SPTBN1: variants seen among roughly 807,000 people sequenced by gnomAD.
The protein encoded by SPTBN1 is spectrin beta, non-erythrocytic 1.
SPTBN1 carries 32 observed loss-of-function variants against 266.4 expected under a neutral mutation model. That is an observed-to-expected ratio of 0.12 (90% CI 0.09 to 0.16). SPTBN1 has a LOEUF of 0.16. Ranked by LOEUF, SPTBN1 falls within the 10% of genes least tolerant of loss-of-function variation. SPTBN1 has a pLI of 1.00. For synonymous variants in SPTBN1, 1,336 were observed against 1,162.2 expected, an observed-to-expected ratio of 1.15 and a Z score of -3.04; for missense variants, 2,296 against 3,067.1, an observed-to-expected ratio of 0.75 and a Z score of 5.94.
At chr2:54,504,091 T>A (rs1669425249) in intron 1 of SPTBN1, among the ~76,000 whole-genome samples, 1 of 152,194 alleles carries the variant, frequency 6.6e-6, no homozygotes, top group African/African-American at 2.4e-5. Context: ...TGGGACTGAC[T>A]TGTTCAAATC....
intron 1 of SPTBN1, among the ~76,000 whole-genome samples, chr2:54,512,589 A>T (rs886374940): frequency 1.3e-5 from 2 of 152,248 alleles, no homozygotes; most frequent in Admixed American, 1.3e-4. Context: ...AGATTGTGAA[A>T]TTAGTGATTA....
chr2:54,601,882 C>G (rs1352538870), intron 3 of SPTBN1, among the ~76,000 whole-genome samples: 1 of 152,154 alleles, frequency 6.6e-6, no homozygotes, highest in East Asian at 1.9e-4. Flanking sequence ...CACCCTCACC[C>G]CACCCTGGAT....
At chr2:54,566,185 C>CTTTTTTTTTTTTTTTTTTTTT (rs59369956) in intron 2 of SPTBN1, among the ~76,000 whole-genome samples, 1 of 125,224 alleles carries the variant, frequency 8.0e-6, no homozygotes. Flanking sequence ...TTTCTTTTTT[C>CTTTTTTTTTTTTTTTTTTTTT]TTTTTTTTTT....
At chr2:54,509,069 G>T (rs546289598) in intron 1 of SPTBN1, among the ~76,000 whole-genome samples, 1 of 152,320 alleles carries the variant, frequency 6.6e-6, no homozygotes, top group African/African-American at 2.4e-5. Context: ...ATGGAGGGGG[G>T]CAGAGCGGTA....
chr2:54,540,153 G>T lies in SPTBN1; in HGVS notation c.148+13587G>T, dbSNP rs532053320. 6.6e-6 allele frequency among the ~76,000 whole-genome samples: 1 copy of T among 152,282 alleles called. No individual in the cohort carries two copies. Among genetic ancestry groups the T allele is most frequent in the Admixed American group, 6.5e-5 (1 of 15,302 alleles). On this transcript the variant is annotated intron_variant, in intron 2 of 35. Transcript: ENST00000356805. The surrounding 1 kb of genome is among the most constrained non-coding windows in gnomAD (Gnocchi z 5.6). ...GCCTCCAGAACTGTGAGAGAGAAATGGTTGTTGGTTAATCTCCCAGTCTGT... is the reference window on the plus strand; with the variant it reads ...GCCTCCAGAACTGTGAGAGAGAAATTGTTGTTGGTTAATCTCCCAGTCTGT...
intron 2 of SPTBN1, among the ~76,000 whole-genome samples, chr2:54,587,438 A>G (rs1039025163): frequency 6.6e-6 from 1 of 152,188 alleles, no homozygotes; most frequent in African/African-American, 2.4e-5. Context: ...ATTCGTGTTA[A>G]CGTTCTGCCA....
At chr2:54,471,371 A>G (rs1693910768) in intron 1 of SPTBN1, among the ~76,000 whole-genome samples, 2 of 152,098 alleles carry the variant, frequency 1.3e-5, no homozygotes, top group Non-Finnish European at 2.9e-5. Flanking sequence ...GCAGTAAGGC[A>G]TGACATTTCT....
chr2:54,622,431 G>T lies in SPTBN1; in HGVS notation c.1008G>T (p.Gly336=). The change falls in exon 9 of 36, where the codon GGG becomes GGT. Residue 336 remains glycine (G), a synonymous_variant. Coordinates refer to ENST00000356805, the MANE Select transcript of SPTBN1 (RefSeq NM_003128.3). ...NNRKFANSLV[G]VQQQLQAFNT... ...GCAAATTTGCCAATTCACTGGTCGG[G>T]GTTCAACAGCAGCTTCAGGCATTCA... is the stretch of plus-strand genomic sequence containing the variant. 1 of 1,614,158 alleles carries T rather than the reference G, an allele frequency of 6.2e-7. No homozygotes were observed. Among genetic ancestry groups the T allele is most frequent in the East Asian group, 2.2e-5 (1 of 44,882 alleles).
In SPTBN1 at chr2:54,668,547, G is replaced by A. The variant is rs758431731; in HGVS notation, c.7073G>A (p.Ser2358Asn). The change falls in exon 36 of 36, where the codon AGC becomes AAC. Residue 2358 changes from serine to asparagine, a missense_variant. By Grantham distance (46) the Ser-to-Asn change is conservative. Around this residue, in one of 12 missense-constraint regions of SPTBN1, gnomAD observed 347 missense variants for 368.5 expected, o/e 0.94. Coordinates refer to ENST00000356805, the MANE Select transcript of SPTBN1 (RefSeq NM_003128.3). ...DKEKDKEKRF[S>N]LFGKKK ...GAGAAAGACAAAGAGAAGCGGTTCA[G>A]CCTTTTTGGCAAAAAGAAATGAACT... The A allele has an allele frequency of 6.2e-7, 1 of 1,613,826 alleles. No homozygotes were observed. The highest frequency in any genetic ancestry group is 1.1e-5 in the South Asian group (1 of 91,040).
In SPTBN1 at chr2:54,554,020, C is replaced by G. The variant is rs1340027234; in HGVS notation, c.148+27454C>G. ...CAAACAAGACCTAATAAAACCCACT[C>G]AGAACCACAGAACACTTCAAGCAGC... On this transcript the variant is annotated intron_variant, in intron 2 of 35. Coordinates refer to ENST00000356805, the MANE Select transcript of SPTBN1 (RefSeq NM_003128.3). This position sits in a 1 kb window ranked among gnomAD's most constrained non-coding sequence, Gnocchi z 4.5. 6.6e-6 allele frequency among the ~76,000 whole-genome samples: 1 copy of G among 152,182 alleles called. No homozygotes were observed. Among genetic ancestry groups the G allele is most frequent in the Non-Finnish European group, 1.5e-5 (1 of 68,028 alleles).
intron 1 of SPTBN1, among the ~76,000 whole-genome samples, chr2:54,483,173 C>T (rs541939702): frequency 1.2e-4 from 19 of 152,144 alleles, no homozygotes; most frequent in Admixed American, 9.2e-4. Flanking sequence ...GGAGAAAGAC[C>T]TGCCTCAATA....
chr2:54,486,143 A>G (rs1278514105), intron 1 of SPTBN1, among the ~76,000 whole-genome samples: 7 of 136,098 alleles, frequency 5.1e-5, no homozygotes, highest in South Asian at 2.6e-4. Context: ...CTGGGAGGTG[A>G]GGGGCGCCTC....
chr2:54,516,210 T>C (rs1042415167), intron 1 of SPTBN1: 1 of 152,200 alleles, frequency 6.6e-6, no homozygotes, highest in Admixed American at 6.5e-5. Context: ...TTCTTCATTT[T>C]TTTCCTGTGC....
In SPTBN1 at chr2:54,567,186, T is replaced by A. The variant is rs375296650; in HGVS notation, c.149-31906T>A. 1.6e-4 allele frequency among the ~76,000 whole-genome samples: 24 copies of A among 152,208 alleles called. 1 individual carries two copies. The East Asian group carries it at 2.7e-3, about 17-fold the overall frequency. On this transcript the variant is annotated intron_variant, in intron 2 of 35. Coordinates refer to ENST00000356805, the MANE Select transcript of SPTBN1 (RefSeq NM_003128.3). ...GAGGTGAGGAACTGAGGTAGGGGAATCTGTGCAGGTTCAGGGTTACTGGAC... is the reference window on the plus strand; with the variant it reads ...GAGGTGAGGAACTGAGGTAGGGGAAACTGTGCAGGTTCAGGGTTACTGGAC...
intron 2 of SPTBN1, among the ~76,000 whole-genome samples, chr2:54,576,940 C>G (rs573528143): frequency 1.3e-5 from 2 of 152,180 alleles, no homozygotes; most frequent in African/African-American, 4.8e-5. Context: ...TTAAATATGA[C>G]CTGGATTAGA....
chr2:54,644,890 A>C (rs2104051178), intron 20 of SPTBN1, among the ~76,000 whole-genome samples: 1 of 152,342 alleles, frequency 6.6e-6, no homozygotes, highest in South Asian at 2.1e-4. Context: ...CATCTCATTC[A>C]ATTCTGCATT....
chr2:54,459,267 A>T (rs2103777484), intron 1 of SPTBN1, among the ~76,000 whole-genome samples: 1 of 152,340 alleles, frequency 6.6e-6, no homozygotes, highest in South Asian at 2.1e-4. Context: ...CGTCTCCCAC[A>T]GTTGAGGTTT....
chr2:54,655,246 C>G, intron 28 of SPTBN1, 38 bp downstream of exon 28: 4 of 1,604,940 alleles, frequency 2.5e-6, no homozygotes, highest in Non-Finnish European at 3.4e-6. Context: ...CAGCTGGCGT[C>G]AAGATGTAAA....
chr2:54,485,725 CCAT>C, intron 1 of SPTBN1, among the ~76,000 whole-genome samples: 1 of 151,718 alleles, frequency 6.6e-6, no homozygotes. Flanking sequence ...TGCCCGGCCG[CCAT>C]CCCATCTAGG....
Sources: allele counts gnomAD v4.1 joint callset (sites outside exome capture counted in the v4.1 genomes callset), GRCh38; gene constraint gnomAD v4.1.1; regional missense constraint gnomAD v4.1.1; non-coding constraint Gnocchi (gnomAD v3.1); transcripts MANE v1.5; gene names NCBI Gene and HGNC (gene_info 2026-07-23, HGNC 2026-07-21).